HCN1: variants seen among roughly 807,000 people sequenced by gnomAD.
The protein encoded by HCN1 is potassium/sodium hyperpolarization-activated cyclic nucleotide-gated channel 1.
HCN1 carries 13 observed loss-of-function variants against 78.9 expected under a neutral mutation model. The observed-to-expected ratio is 0.16, with a 90% CI of 0.11 to 0.26. The LOEUF (loss-of-function observed/expected upper bound fraction) is 0.26. Among genes scored for constraint, HCN1 ranks in the 10% least tolerant of loss-of-function variants. The pLI is 1.00. For synonymous variants in HCN1, 552 were observed against 455.5 expected, an observed-to-expected ratio of 1.21 and a Z score of -2.70; for missense variants, 810 against 1,154.3, an observed-to-expected ratio of 0.70 and a Z score of 4.32.
At chr5:45,267,919 A>G (rs923904108) in intron 6 of HCN1, among the ~76,000 whole-genome samples, 1 of 152,216 alleles carries the variant, frequency 6.6e-6, no homozygotes, top group African/African-American at 2.4e-5. Flanking sequence ...AGAAAATGGA[A>G]TAAAATGTCC....
chr5:45,549,576 C>A (rs1743314511), intron 2 of HCN1, among the ~76,000 whole-genome samples: 1 of 152,162 alleles, frequency 6.6e-6, no homozygotes, highest in South Asian at 2.1e-4. Context: ...CCATTCAGGA[C>A]ATAGGCATGG....
intron 2 of HCN1, among the ~76,000 whole-genome samples, chr5:45,613,236 T>C (rs1198325586): frequency 1.4e-4 from 20 of 146,828 alleles, no homozygotes; most frequent in Middle Eastern, 7.1e-3. Context: ...TTCCCACCTA[T>C]GAGTGAGAAT....
chr5:45,436,892 C>T (rs981222800), intron 3 of HCN1, among the ~76,000 whole-genome samples: 1 of 151,990 alleles, frequency 6.6e-6, no homozygotes, highest in Non-Finnish European at 1.5e-5. Context: ...CAAAAAGAGA[C>T]CAGAGAAAAT....
chr5:45,620,021 A>G (rs1745025924), intron 2 of HCN1, among the ~76,000 whole-genome samples: 1 of 152,070 alleles, frequency 6.6e-6, no homozygotes. Flanking sequence ...ATGTTATGTA[A>G]CCCTAGTTAG....
At chr5:45,489,956 T>C (rs1741849752) in intron 2 of HCN1, among the ~76,000 whole-genome samples, 1 of 152,208 alleles carries the variant, frequency 6.6e-6, no homozygotes, top group South Asian at 2.1e-4. Flanking sequence ...AAACAGTGAA[T>C]AATTTTTTAG....
chr5:45,452,044 C>T (rs7732970), intron 3 of HCN1, among the ~76,000 whole-genome samples: 74,231 of 151,698 alleles, frequency 0.49, 19,274 homozygotes, highest in African/African-American at 0.66. Context: ...GAAAACGCTA[C>T]TGGAGTATAG....
At chr5:45,321,023 T>C (rs1316770578) in intron 5 of HCN1, among the ~76,000 whole-genome samples, 1 of 151,822 alleles carries the variant, frequency 6.6e-6, no homozygotes, top group Non-Finnish European at 1.5e-5. Context: ...TCTTGTCTAC[T>C]GGGGGATTCA....
chr5:45,280,409 A>G (rs1023519364), intron 6 of HCN1, among the ~76,000 whole-genome samples: 8 of 152,234 alleles, frequency 5.3e-5, no homozygotes, highest in African/African-American at 1.7e-4. Context: ...GTTCCAATAT[A>G]TAAAACTGAA....
chr5:45,495,848 A>G (rs998055953), intron 2 of HCN1, among the ~76,000 whole-genome samples: 3 of 152,168 alleles, frequency 2.0e-5, no homozygotes, highest in Admixed American at 6.5e-5. Context: ...TTCTGCATCT[A>G]TTGAGATAAT....
intron 2 of HCN1, among the ~76,000 whole-genome samples, chr5:45,600,416 A>C (rs1744599287): frequency 6.6e-6 from 1 of 152,182 alleles, no homozygotes; most frequent in Admixed American, 6.6e-5. Context: ...TTAATAATGG[A>C]AACATTGTAG....
chr5:45,396,394 T>C, intron 4 of HCN1, 98 bp downstream of exon 4: 1 of 926,820 alleles, frequency 1.1e-6, no homozygotes, highest in Non-Finnish European at 1.7e-6. Context: ...CTCTTTTTTT[T>C]TTTTATAGAG....
rs573953193 is a variant in HCN1 at position 45,615,067 on chromosome 5, AAAAACAAAAC to A, written c.849+30108_849+30117del. On this transcript the variant is annotated intron_variant, in intron 2 of 7. Transcript: ENST00000303230. ...ATCTCAATTGATGAGTTTCTGAGCT[AAAAACAAAAC>A]AAAACAAAACAAAACATCATTTCCT... 5.9e-5 allele frequency among the ~76,000 whole-genome samples: 9 copies of A among 152,112 alleles called. No homozygotes were observed. In the East Asian group the frequency reaches 1.7e-3, roughly 29 times the overall value.
chr5:45,510,971 T>C (rs1211612787), intron 2 of HCN1, among the ~76,000 whole-genome samples: 1 of 152,038 alleles, frequency 6.6e-6, no homozygotes, highest in African/African-American at 2.4e-5. Flanking sequence ...AGCAATCTCT[T>C]TCTCCCATTT....
At chr5:45,493,557 A>G (rs1034543973) in intron 2 of HCN1, among the ~76,000 whole-genome samples, 18 of 151,676 alleles carry the variant, frequency 1.2e-4, no homozygotes, top group African/African-American at 4.1e-4. Flanking sequence ...ATATTTACCA[A>G]TGTATTTCAA....
intron 2 of HCN1, among the ~76,000 whole-genome samples, chr5:45,534,404 C>CAAAAAAAAAAAAAAAAAAA (rs71000637): frequency 1.4e-4 from 4 of 29,316 alleles, no homozygotes; most frequent in East Asian, 1.2e-3. Flanking sequence ...GACTGCATCT[C>CAAAAAAAAAAAAAAAAAAA]AAAAAAAAAA....
intron 6 of HCN1, among the ~76,000 whole-genome samples, chr5:45,278,185 T>C (rs1212036216): frequency 6.6e-6 from 1 of 152,098 alleles, no homozygotes; most frequent in African/African-American, 2.4e-5. Context: ...TTCATACCAG[T>C]CCATTTTGTT....
At chr5:45,374,442 T>C (rs974289299) in intron 4 of HCN1, among the ~76,000 whole-genome samples, 3 of 148,530 alleles carry the variant, frequency 2.0e-5, no homozygotes, top group Non-Finnish European at 3.0e-5. Flanking sequence ...CTCCCAAGAC[T>C]GAATCAAGAA....
At chr5:45,483,871 G>T (rs2111681510) in intron 2 of HCN1, among the ~76,000 whole-genome samples, 1 of 152,208 alleles carries the variant, frequency 6.6e-6, no homozygotes, top group South Asian at 2.1e-4. Context: ...TATACTGAAT[G>T]GGGAGTCTTT....
chr5:45,524,509 C>G (rs1290940165), intron 2 of HCN1, among the ~76,000 whole-genome samples: 1 of 151,662 alleles, frequency 6.6e-6, no homozygotes, highest in Non-Finnish European at 1.5e-5. Context: ...AATGTTCTTC[C>G]ATTTGTATCC....
Sources: gnomAD v4.1 joint callset for allele counts (sites outside exome capture counted in the v4.1 genomes callset) on GRCh38, gnomAD v4.1.1 for gene constraint, MANE v1.5 for transcripts, NCBI Gene and HGNC (gene_info 2026-07-23, HGNC 2026-07-21) for gene names.